The following DIP2C variants were observed in gnomAD, a reference collection of about 807,000 sequenced individuals.
DIP2C encodes the protein DIP2 acetate--CoA ligase C (putative).
DIP2C carries 33 observed loss-of-function variants against 192.4 expected under a neutral mutation model. The observed-to-expected ratio is 0.17, with a 90% CI of 0.13 to 0.23. The LOEUF (loss-of-function observed/expected upper bound fraction) is 0.23. DIP2C is among the 10% of genes least tolerant of loss of function. The probability of loss-of-function intolerance (pLI) is 1.00; values close to 1 mark genes in which losing one functional copy is unlikely to be tolerated. For missense variants in DIP2C, 1,537 were observed against 2,110.1 expected (o/e 0.73, Z 5.32); for synonymous variants, 979 against 864.1 (o/e 1.13, Z -2.33).
chr10:357,198 G>A (rs1340357884), intron 23 of DIP2C, among the ~76,000 whole-genome samples: 3 of 152,226 alleles, frequency 2.0e-5, no homozygotes, highest in Admixed American at 6.5e-5. Flanking sequence ...CAGGAAGGCC[G>A]AACGGTTCTA....
intron 1 of DIP2C, among the ~76,000 whole-genome samples, chr10:597,175 GCAT>G (rs1851758953): frequency 6.6e-6 from 1 of 152,204 alleles, no homozygotes; most frequent in Non-Finnish European, 1.5e-5. Flanking sequence ...CAGGCCAGTG[GCAT>G]CCGTCTTCTG....
At chr10:590,835 G>T (rs532308327) in intron 1 of DIP2C, among the ~76,000 whole-genome samples, 13 of 149,276 alleles carry the variant, frequency 8.7e-5, no homozygotes, top group African/African-American at 3.4e-4. Context: ...CACCGCACCA[G>T]AGCCTGCGAG....
At chr10:377,212 A>C (rs1589650438) in intron 17 of DIP2C, among the ~76,000 whole-genome samples, 1 of 150,824 alleles carries the variant, frequency 6.6e-6, no homozygotes, top group Non-Finnish European at 1.5e-5. Flanking sequence ...AAACGGGATC[A>C]CACTATATAA....
chr10:373,652 C>T (rs974229800), intron 17 of DIP2C, among the ~76,000 whole-genome samples: 1 of 152,116 alleles, frequency 6.6e-6, no homozygotes, highest in Non-Finnish European at 1.5e-5. Context: ...GGCATAAAAT[C>T]CCTCGTGGCT....
At chr10:610,906 AGGT>A (rs1853051847) in intron 1 of DIP2C, among the ~76,000 whole-genome samples, 1 of 126,578 alleles carries the variant, frequency 7.9e-6, no homozygotes, top group African/African-American at 3.2e-5. Flanking sequence ...CCCTGGTGGG[AGGT>A]GACTGACTCA....
Position 583,975 on chromosome 10 carries a change from G to C in DIP2C, c.86-97445C>G, listed in dbSNP as rs530895647. 5.9e-5 allele frequency among the ~76,000 whole-genome samples: 9 copies of C among 152,256 alleles called. No homozygotes were observed. In the East Asian group the frequency reaches 1.5e-3, roughly 26 times the overall value. On this transcript the variant is annotated intron_variant, in intron 1 of 36. Coordinates refer to ENST00000280886, the MANE Select transcript of DIP2C (RefSeq NM_014974.3). ...CCACAAATGTGAAAGAGAGAGGCGC[G>C]GGGGCCAGGGTGCTGGGTGGGTCCG...
At chr10:336,266 G>A (rs1426671902) in intron 29 of DIP2C, among the ~76,000 whole-genome samples, 1 of 152,172 alleles carries the variant, frequency 6.6e-6, no homozygotes, top group Non-Finnish European at 1.5e-5. Context: ...GGTCAAGGAT[G>A]GGTCCGTGTA....
intron 1 of DIP2C, among the ~76,000 whole-genome samples, chr10:560,863 T>TA (rs565937281): frequency 6.6e-6 from 1 of 152,164 alleles, no homozygotes; most frequent in South Asian, 2.1e-4. Flanking sequence ...AGACAGAACT[T>TA]AGACTCTTAG....
At chr10:598,225 G>T (rs1851835029) in intron 1 of DIP2C, among the ~76,000 whole-genome samples, 1 of 151,880 alleles carries the variant, frequency 6.6e-6, no homozygotes, top group African/African-American at 2.4e-5. Flanking sequence ...GGCCACGAGG[G>T]CCTCCCTCCC....
At chr10:503,230 C>A (rs909748913) in intron 1 of DIP2C, among the ~76,000 whole-genome samples, 1 of 152,174 alleles carries the variant, frequency 6.6e-6, no homozygotes, top group Non-Finnish European at 1.5e-5. Context: ...CACCGACCTG[C>A]GGACTTATCA....
intron 32 of DIP2C, among the ~76,000 whole-genome samples, chr10:293,877 G>A (rs1955611993): frequency 6.6e-6 from 1 of 152,152 alleles, no homozygotes; most frequent in Non-Finnish European, 1.5e-5. Flanking sequence ...ACGGCCCACG[G>A]TGGCCACCAC....
At chr10:344,378 A>C (rs4881153) in intron 28 of DIP2C, among the ~76,000 whole-genome samples, 2 of 133,852 alleles carry the variant, frequency 1.5e-5, no homozygotes, top group African/African-American at 2.9e-5. Flanking sequence ...CGAAGTCCCC[A>C]AGGGTGGGGC....
chr10:381,724 A>G (rs141493848), intron 17 of DIP2C, among the ~76,000 whole-genome samples: 52 of 152,276 alleles, frequency 3.4e-4, no homozygotes, highest in Admixed American at 1.6e-3. Flanking sequence ...TAAAAACCAC[A>G]CACTGCTCTG....
chr10:414,414 C>T (rs1175737261), intron 7 of DIP2C, among the ~76,000 whole-genome samples: 2 of 152,190 alleles, frequency 1.3e-5, no homozygotes, highest in East Asian at 3.8e-4. Flanking sequence ...GGAATTCAAA[C>T]AGCCATGCTG....
At chr10:446,000 A>T (rs76803110) in intron 3 of DIP2C, among the ~76,000 whole-genome samples, 277 of 78,056 alleles carry the variant, frequency 3.5e-3, no homozygotes, top group Middle Eastern at 0.011. Flanking sequence ...TGTATACATC[A>T]GTCGTGAAGA....
intron 29 of DIP2C, among the ~76,000 whole-genome samples, chr10:337,509 CTGTG>C (rs371093322): frequency 9.9e-5 from 12 of 121,058 alleles, no homozygotes; most frequent in African/African-American, 3.5e-4. Flanking sequence ...CCTAGACAGT[CTGTG>C]TGTGTGTGCG....
At chr10:358,081 A>T (rs1959168522) in intron 22 of DIP2C, 144 bp from the exon 23 acceptor site, 1 of 586,218 alleles carries the variant, frequency 1.7e-6, no homozygotes, top group Non-Finnish European at 3.0e-6. Flanking sequence ...CAGAGATTCA[A>T]CGAAATCAAA....
chr10:545,177 T>TTTC, intron 1 of DIP2C, among the ~76,000 whole-genome samples: 1 of 143,296 alleles, frequency 7.0e-6, no homozygotes, highest in Non-Finnish European at 1.5e-5. Flanking sequence ...TTTTTTTTTT[T>TTTC]TTTTTTTTTT....
chr10:377,460 C>T (rs773849694), intron 17 of DIP2C, among the ~76,000 whole-genome samples: 2 of 152,226 alleles, frequency 1.3e-5, no homozygotes, highest in Non-Finnish European at 2.9e-5. Context: ...TCGATGCTAC[C>T]TAACTCTCAT....
Sources: allele counts gnomAD v4.1 joint callset (sites outside exome capture counted in the v4.1 genomes callset), GRCh38; gene constraint gnomAD v4.1.1; transcripts MANE v1.5; gene names NCBI Gene and HGNC (gene_info 2026-07-23, HGNC 2026-07-21).